MRGPRE: variants seen among roughly 807,000 people sequenced by gnomAD.
The protein encoded by MRGPRE is mas-related G protein-coupled receptor member E.
For synonymous variants in MRGPRE, 229 were observed against 206.7 expected (o/e 1.11, Z -0.92); for missense variants, 466 against 433.4 (o/e 1.08, Z -0.67).
chr11:3,228,649 A>C lies in MRGPRE; in HGVS notation c.151T>G (p.Ser51Ala), dbSNP rs768622917. The change falls in exon 2 of 2, where the codon TCC (serine) becomes GCC (alanine). Residue 51 changes from serine to alanine, a missense_variant. Coordinates refer to ENST00000389832, the MANE Select transcript of MRGPRE (RefSeq NM_001039165.4). ...GNGAVLWLLS[S>A]NVYRNPFAIY... ...GCGAAGGGGTTTCTGTAGACATTGGAGCTGAGCAGCCAGAGGACTGCCCCA... is the reference window on the plus strand; with the variant it reads ...GCGAAGGGGTTTCTGTAGACATTGGCGCTGAGCAGCCAGAGGACTGCCCCA... The C allele has an allele frequency of 6.2e-7, 1 of 1,614,026 alleles. No individual in the cohort carries two copies. The highest frequency in any genetic ancestry group is 8.5e-7 in the Non-Finnish European group (1 of 1,179,982).
Position 3,227,889 on chromosome 11 carries a change from C to T in MRGPRE, c.911G>A (p.Arg304His), listed in dbSNP as rs530050407. 45 of 1,463,476 alleles carry T rather than the reference C, an allele frequency of 3.1e-5. No individual in the cohort carries two copies. The highest frequency in any genetic ancestry group is 2.1e-4 in the Admixed American group (8 of 38,260). 90.7% of individuals were successfully genotyped at this position (1,463,476 alleles called of 1,614,324 possible). A position where few individuals can be genotyped will look rare whatever the true frequency, so the allele number is the denominator to read the frequency against. The stretch of plus-strand genomic sequence containing the variant: ...GGCTGCTATGTCCACCAGGCCCCGG[C>T]GGGAGGTCTCCCTGACGGCCCCCAG... ...AELGAVRETS[R>H]RGLVDIAA is the part of the protein sequence containing the mutation. Residue 304 changes from arginine to histidine, a missense_variant, in exon 2 of 2, where the codon CGC (arginine) becomes CAC (histidine). Transcript: ENST00000389832.
In MRGPRE at chr11:3,232,134, T is replaced by C. The variant is rs1847839242; in HGVS notation, c.-62+7A>G. Reference sequence around the variant, plus strand: ...CCCACCCTGATCCAGCCACCTGCGCTACTCACCGTTTGGGGCAGAGGACTG... The same window carrying C: ...CCCACCCTGATCCAGCCACCTGCGCCACTCACCGTTTGGGGCAGAGGACTG... On this transcript the variant is annotated splice_region_variant and intron_variant, in intron 1 of 1. Coordinates refer to ENST00000389832, the MANE Select transcript of MRGPRE (RefSeq NM_001039165.4). 6.6e-6 allele frequency: 1 copy of C among 152,594 alleles called. No homozygotes were observed. The highest frequency in any genetic ancestry group is 6.5e-5 in the Admixed American group (1 of 15,284). The allele number at this position is 152,594 out of a possible 1,614,324, so 9.5% of individuals were successfully genotyped here. A position where few individuals can be genotyped will look rare whatever the true frequency, so the allele number is the denominator to read the frequency against.
rs1266963371 is a variant in MRGPRE, at chr11:3,231,473, A to G, written c.-62+668T>C. ...GGGAGGGAGGCAGAGCTCTGTAGGA[A>G]GGGTCGCCACAGTTGGGTTACAGGA... On this transcript the variant is annotated intron_variant, in intron 1 of 1. Coordinates refer to ENST00000389832, the MANE Select transcript of MRGPRE (RefSeq NM_001039165.4). The surrounding 1 kb of genome is among the most constrained non-coding windows in gnomAD (Gnocchi z 4.7). Among the ~76,000 whole-genome samples, 3 of 151,150 alleles carry G rather than the reference A, an allele frequency of 2.0e-5. No homozygotes were observed. The highest frequency in any genetic ancestry group is 7.3e-5 in the African/African-American group (3 of 41,112).
At position 3,228,185 on chromosome 11, in the gene MRGPRE, T is replaced by C; in HGVS notation, c.615A>G (p.Arg205=). 1 of 1,563,568 alleles carries C rather than the reference T, an allele frequency of 6.4e-7. No homozygotes were observed. The highest frequency in any genetic ancestry group is 8.7e-7 in the Non-Finnish European group (1 of 1,154,300). The change falls in exon 2 of 2, where the codon CGA becomes CGG. Residue 205 remains arginine, a synonymous_variant. Coordinates refer to ENST00000389832, the MANE Select transcript of MRGPRE (RefSeq NM_001039165.4). ...ASLMLLLRVE[R]GPQRPPPRGF... The stretch of plus-strand genomic sequence containing the variant: ...CCCGGGGTGGGGGCCGCTGGGGGCC[T>C]CGCTCCACCCGCAGCAGCAGCATAA...
chr11:3,228,281 C>G lies in MRGPRE; in HGVS notation c.519G>C (p.Leu173Phe). The G allele has an allele frequency of 6.4e-7, 1 of 1,555,628 alleles. No homozygotes were observed. Among genetic ancestry groups the G allele is most frequent in the Middle Eastern group, 1.8e-4 (1 of 5,506 alleles). Residue 173 changes from leucine (L) to phenylalanine (F), a missense_variant, in exon 2 of 2, where the codon TTG becomes TTC. Coordinates refer to ENST00000389832, the MANE Select transcript of MRGPRE (RefSeq NM_001039165.4). ...CTGCCACCAGCCACAGCGTCCGGCA[C>G]AAGTGGCGGCTGGGCTCCCCGAAGA... Reference protein sequence around the residue: ...TQFFGEPSRHLCRTLWLVAAV... With the variant: ...TQFFGEPSRHFCRTLWLVAAV...
chr11:3,230,210 G>T lies in MRGPRE; in HGVS notation c.-61-1350C>A, dbSNP rs1590772828. 6.6e-6 allele frequency among the ~76,000 whole-genome samples: 1 copy of T among 151,860 alleles called. No individual in the cohort carries two copies. Among genetic ancestry groups the T allele is most frequent in the East Asian group, 2.0e-4 (1 of 5,126 alleles). The stretch of plus-strand genomic sequence containing the variant: ...CTCCTCTTGGGGTTGGGGGAGAGGG[G>T]ATGGGGCCTTGCCTCTCCCCAGAGA... On this transcript the variant is annotated intron_variant, in intron 1 of 1. Transcript: ENST00000389832. This position sits in a 1 kb window ranked among gnomAD's most constrained non-coding sequence, Gnocchi z 5.5.
chr11:3,230,941 G>T lies in MRGPRE; in HGVS notation c.-62+1200C>A, dbSNP rs1416862573. Among the ~76,000 whole-genome samples the T allele has an allele frequency of 6.6e-6, 1 of 151,976 alleles. No homozygotes were observed. Among genetic ancestry groups the T allele is most frequent in the African/African-American group, 2.4e-5 (1 of 41,368 alleles). ...GTGGGGAGATGTGGGGAGGGGGACAGATGCTCTCCTACTCAGGATAGCTTG... is the reference window on the plus strand; with the variant it reads ...GTGGGGAGATGTGGGGAGGGGGACATATGCTCTCCTACTCAGGATAGCTTG... On this transcript the variant is annotated intron_variant, in intron 1 of 1. Transcript: ENST00000389832. This position sits in a 1 kb window ranked among gnomAD's most constrained non-coding sequence, Gnocchi z 5.5.
Position 3,228,308 on chromosome 11 carries a change from C to A in MRGPRE, c.492G>T (p.Gln164His). Residue 164 changes from glutamine to histidine, a missense_variant, in exon 2 of 2, where the codon CAG becomes CAT. Physicochemically the swap from Gln to His is conservative, Grantham distance 24 (BLOSUM62 0). Transcript: ENST00000389832. ...LHLLLSGACT[Q>H]FFGEPSRHLC... ...AGTGGCGGCTGGGCTCCCCGAAGAACTGGGTGCAGGCGCCGCTGAGCAGCA... is the reference window on the plus strand; with the variant it reads ...AGTGGCGGCTGGGCTCCCCGAAGAAATGGGTGCAGGCGCCGCTGAGCAGCA... 6.4e-7 allele frequency: 1 copy of A among 1,555,984 alleles called. No homozygotes were observed. Among genetic ancestry groups the A allele is most frequent in the Non-Finnish European group, 8.7e-7 (1 of 1,152,998 alleles).
chr11:3,228,559 C>T lies in MRGPRE; in HGVS notation c.241G>A (p.Val81Ile), dbSNP rs1054039176. Residue 81 changes from valine (V) to isoleucine (I), a missense_variant, in exon 2 of 2, where the codon GTC becomes ATC. Physicochemically the swap from Val to Ile is conservative, Grantham distance 29. Coordinates refer to ENST00000389832, the MANE Select transcript of MRGPRE (RefSeq NM_001039165.4). ...AGCCGGCCTTGCAGCAAGTCGGGGA[C>T]GATGGCCACCATGTGGCAGCCAAGG... is the stretch of plus-strand genomic sequence containing the variant. The part of the protein sequence containing the change: ...IFLGCHMVAI[V>I]PDLLQGRLDF... 1.1e-5 allele frequency: 18 copies of T among 1,613,402 alleles called. No homozygotes were observed. The highest frequency in any genetic ancestry group is 4.5e-5 in the East Asian group (2 of 44,864).
chr11:3,228,999 C>T (rs1590772065), intron 1 of MRGPRE, 139 bp from the exon 2 acceptor site: 1 of 553,342 alleles, frequency 1.8e-6, no homozygotes. Flanking sequence ...CTCATTTCCA[C>T]CCTCAGCCAC....
chr11:3,227,533 G>T lies in MRGPRE; in HGVS notation c.*328C>A, dbSNP rs1243544337. On this transcript the variant is annotated 3_prime_UTR_variant, in exon 2 of 2. Transcript: ENST00000389832. ...CCTTGCTTTCCGGGGTCTCCTCACTGCAGCTGAGCAGGGAATGGGTAGCAG... is the reference window on the plus strand; with the variant it reads ...CCTTGCTTTCCGGGGTCTCCTCACTTCAGCTGAGCAGGGAATGGGTAGCAG... Among the ~76,000 whole-genome samples, 1 of 152,202 alleles carries T rather than the reference G, an allele frequency of 6.6e-6. No homozygotes were observed. Among genetic ancestry groups the T allele is most frequent in the African/African-American group, 2.4e-5 (1 of 41,454 alleles).
Position 3,228,034 on chromosome 11 carries a change from G to C in MRGPRE, c.766C>G (p.Leu256Val). 6.2e-7 allele frequency: 1 copy of C among 1,609,166 alleles called. No individual in the cohort carries two copies. Among genetic ancestry groups the C allele is most frequent in the Non-Finnish European group, 8.5e-7 (1 of 1,178,080 alleles). ...GCCGCGCAGTGCACGGCGGCCATGA[G>C]GAAGCTGAAGTGGTAGAAGTAGTGG... ...IPHYFYHFSFLMAAVHCAAKP... is the reference protein window; with the variant it reads ...IPHYFYHFSFVMAAVHCAAKP... Residue 256 changes from leucine to valine, a missense_variant, in exon 2 of 2, where the codon CTC becomes GTC. Physicochemically the swap from Leu to Val is conservative, Grantham distance 32. Coordinates refer to ENST00000389832, the MANE Select transcript of MRGPRE (RefSeq NM_001039165.4).
At position 3,229,210 on chromosome 11, in the gene MRGPRE, G is replaced by A. The variant is rs1267297290; in HGVS notation, c.-61-350C>T. On this transcript the variant is annotated intron_variant, in intron 1 of 1. Transcript: ENST00000389832. This position sits in a 1 kb window ranked among gnomAD's most constrained non-coding sequence, Gnocchi z 4.4. The stretch of plus-strand genomic sequence containing the variant: ...TAGTGGTGCCTTGATCCTCAGAATG[G>A]GCTTTTTTTTTTTTTTTTTTTTTTT... Among the ~76,000 whole-genome samples, 7 of 106,058 alleles carry A rather than the reference G, an allele frequency of 6.6e-5. No individual in the cohort carries two copies. The highest frequency in any genetic ancestry group is 2.8e-4 in the East Asian group (1 of 3,636). 69.6% of individuals were successfully genotyped at this position (106,058 alleles called of 152,430 possible). A position where few individuals can be genotyped will look rare whatever the true frequency, so the allele number is the denominator to read the frequency against.
At position 3,228,407 on chromosome 11, in the gene MRGPRE, G is replaced by A. The variant is rs377320081; in HGVS notation, c.393C>T (p.Tyr131=). ...TCAGGTGGCGTGGGCGGCGGCACGA[G>A]TACCAGGCTGGGAAGAGGGCGGCCA... The part of the protein sequence containing the change: ...QCLAALFPAW[Y]SCRRPRHLTT... The change falls in exon 2 of 2, where the codon TAC becomes TAT. Residue 131 remains tyrosine, a synonymous_variant. Coordinates refer to ENST00000389832, the MANE Select transcript of MRGPRE (RefSeq NM_001039165.4). 4.4e-6 allele frequency: 7 copies of A among 1,605,818 alleles called. No individual in the cohort carries two copies. In the African/African-American group the frequency reaches 8.0e-5, roughly 18 times the overall value.
At position 3,228,662 on chromosome 11, in the gene MRGPRE, G is replaced by A; in HGVS notation, c.138C>T (p.Leu46=). 6.2e-7 allele frequency: 1 copy of A among 1,614,128 alleles called. No homozygotes were observed. Among genetic ancestry groups the A allele is most frequent in the Non-Finnish European group, 8.5e-7 (1 of 1,180,018 alleles). ...LGGLLGNGAV[L]WLLSSNVYRN... ...TGTAGACATTGGAGCTGAGCAGCCA[G>A]AGGACTGCCCCATTCCCCAGCAGCC... The change falls in exon 2 of 2, where the codon CTC becomes CTT. Residue 46 remains leucine, a synonymous_variant. Transcript: ENST00000389832.
In MRGPRE at chr11:3,228,770, G is replaced by A. The variant is rs530383366; in HGVS notation, c.30C>T (p.His10=). 2.9e-5 allele frequency: 46 copies of A among 1,610,834 alleles called. No homozygotes were observed. The highest frequency in any genetic ancestry group is 4.5e-5 in the East Asian group (2 of 44,786). MMEPREAGQ[H]VGAANGAQED... ...CCTGGGCGCCGTTGGCGGCCCCCAC[G>A]TGCTGTCCAGCTTCTCTGGGCTCCA... Residue 10 remains histidine (H), a synonymous_variant, in exon 2 of 2, where the codon CAC becomes CAT. Transcript: ENST00000389832.
chr11:3,229,342 C>G lies in MRGPRE; in HGVS notation c.-61-482G>C, dbSNP rs1258451432. Among the ~76,000 whole-genome samples, 1 of 150,916 alleles carries G rather than the reference C, an allele frequency of 6.6e-6. No homozygotes were observed. Among genetic ancestry groups the G allele is most frequent in the Admixed American group, 6.6e-5 (1 of 15,050 alleles). On this transcript the variant is annotated intron_variant, in intron 1 of 1. Transcript: ENST00000389832. This position sits in a 1 kb window ranked among gnomAD's most constrained non-coding sequence, Gnocchi z 4.4. Reference sequence around the variant, plus strand: ...CCGGGTTCAAGTGATTCTCCTGTCTCAGCCTCCCGAAGAGCTGGGATTACA... The same window carrying G: ...CCGGGTTCAAGTGATTCTCCTGTCTGAGCCTCCCGAAGAGCTGGGATTACA...
rs1306068539 is a variant in MRGPRE at position 3,231,221 on chromosome 11, G to A, written c.-62+920C>T. 1.3e-5 allele frequency among the ~76,000 whole-genome samples: 2 copies of A among 152,158 alleles called. No homozygotes were observed. Among genetic ancestry groups the A allele is most frequent in the African/African-American group, 4.8e-5 (2 of 41,440 alleles). On this transcript the variant is annotated intron_variant, in intron 1 of 1. Coordinates refer to ENST00000389832, the MANE Select transcript of MRGPRE (RefSeq NM_001039165.4). This position sits in a 1 kb window ranked among gnomAD's most constrained non-coding sequence, Gnocchi z 4.7. ...AGGAGGACACGGGCCTCATGGGTGGGCCCCAGGGAGAGAGCATGGCAGGGA... is the reference window on the plus strand; with the variant it reads ...AGGAGGACACGGGCCTCATGGGTGGACCCCAGGGAGAGAGCATGGCAGGGA...
At position 3,231,089 on chromosome 11, in the gene MRGPRE, C is replaced by T. The variant is rs80244020; in HGVS notation, c.-62+1052G>A. 0.033 allele frequency among the ~76,000 whole-genome samples: 4,964 copies of T among 152,178 alleles called. 191 individuals are homozygous for T. The highest frequency in any genetic ancestry group is 0.11 in the Admixed American group (1,609 of 15,288). On this transcript the variant is annotated intron_variant, in intron 1 of 1. Coordinates refer to ENST00000389832, the MANE Select transcript of MRGPRE (RefSeq NM_001039165.4). This position sits in a 1 kb window ranked among gnomAD's most constrained non-coding sequence, Gnocchi z 4.7. ...GTCCACCCATGGACGGAGCTATCTC[C>T]GGGATCTACCAGCAAGCTCCAGCCC...
Sources: gnomAD v4.1 joint callset for allele counts (sites outside exome capture counted in the v4.1 genomes callset) on GRCh38, gnomAD v4.1.1 for gene constraint, Gnocchi (gnomAD v3.1) non-coding constraint, MANE v1.5 for transcripts, NCBI Gene and HGNC (gene_info 2026-07-23, HGNC 2026-07-21) for gene names.